HRK: variants seen among roughly 807,000 people sequenced by gnomAD.
The protein encoded by HRK is harakiri, BCL2 interacting protein.
Under a neutral mutation model 5.9 loss-of-function variants are expected in HRK, and 6 were observed. The ratio of observed to expected loss-of-function variants is 1.02; its 90% confidence interval spans 0.56 to 2.01. The LOEUF (loss-of-function observed/expected upper bound fraction) is 2.01, where lower values mean the gene tolerates loss of function less well. Ranked by LOEUF, HRK falls within the 30% of genes most tolerant of loss-of-function variation. HRK has a pLI of 0.00. For synonymous variants in HRK, 85 were observed against 65.1 expected (o/e 1.31, Z -1.47); for missense variants, 133 against 128.3 (o/e 1.04, Z -0.18).
intron 1 of HRK, among the ~76,000 whole-genome samples, chr12:116,861,957 G>A (rs1047519859): frequency 1.3e-5 from 2 of 152,142 alleles, no homozygotes; most frequent in Admixed American, 1.3e-4. Context: ...CCATACTAGG[G>A]GCTACAGGTT....
chr12:116,869,950 G>C (rs924253774), intron 1 of HRK, among the ~76,000 whole-genome samples: 3 of 152,060 alleles, frequency 2.0e-5, no homozygotes, highest in African/African-American at 2.4e-5. Context: ...CGTGGTGGTG[G>C]GCACCTGTAA....
At chr12:116,872,784 AAG>A (rs1013444916) in intron 1 of HRK, among the ~76,000 whole-genome samples, 20 of 150,834 alleles carry the variant, frequency 1.3e-4, no homozygotes, top group Admixed American at 1.3e-3. Context: ...CAAAAAAACA[AAG>A]AGAGAGAGAG....
chr12:116,874,930 C>T (rs1403672687), intron 1 of HRK, among the ~76,000 whole-genome samples: 2 of 152,186 alleles, frequency 1.3e-5, no homozygotes, highest in East Asian at 1.9e-4. Flanking sequence ...CCCACTATGC[C>T]CTGACCAAAT....
rs1042026039 is a variant in HRK, at chr12:116,880,668, A to G, written c.*56+308T>C. 2.6e-5 allele frequency among the ~76,000 whole-genome samples: 4 copies of G among 151,980 alleles called. No homozygotes were observed. The South Asian group carries it at 8.3e-4, about 32-fold the overall frequency. On this transcript the variant is annotated intron_variant, in intron 1 of 1. Transcript: ENST00000257572. The stretch of plus-strand genomic sequence containing the variant: ...CACTTTTTACTTGCATTGTGTGTTT[A>G]TTTGTGGGGCTGGTGGGGATTATGG...
At chr12:116,876,262 C>G (rs1878923768) in intron 1 of HRK, among the ~76,000 whole-genome samples, 2 of 152,188 alleles carry the variant, frequency 1.3e-5, no homozygotes, top group South Asian at 4.1e-4. Context: ...GGTTCCTCCC[C>G]AACAGCTGTC....
At position 116,866,026 on chromosome 12, in the gene HRK, C is replaced by T. The variant is rs543977228; in HGVS notation, c.*57-4560G>A. Among the ~76,000 whole-genome samples, 15 of 151,500 alleles carry T rather than the reference C, an allele frequency of 9.9e-5. 1 individual carries two copies. In the South Asian group the frequency reaches 1.0e-3, roughly 11 times the overall value. On this transcript the variant is annotated intron_variant, in intron 1 of 1. Coordinates refer to ENST00000257572, the MANE Select transcript of HRK (RefSeq NM_003806.4). ...TACAAAAATTAGCCAGGTGCGGTGG[C>T]GCACACCTGTAATCCCAGCTAGTCA...
rs867988006 is a variant in HRK at position 116,861,203 on chromosome 12, C to T, written c.*320G>A. On this transcript the variant is annotated 3_prime_UTR_variant, in exon 2 of 2. Coordinates refer to ENST00000257572, the MANE Select transcript of HRK (RefSeq NM_003806.4). Reference sequence around the variant, plus strand: ...AAAAGGAAGGCAACCACGTCCTCAACAAGGCATGCACTGATACGTAATATT... The same window carrying T: ...AAAAGGAAGGCAACCACGTCCTCAATAAGGCATGCACTGATACGTAATATT... 2.0e-5 allele frequency: 3 copies of T among 152,214 alleles called. No homozygotes were observed. Among genetic ancestry groups the T allele is most frequent in the Admixed American group, 6.5e-5 (1 of 15,270 alleles). 9.4% of individuals were successfully genotyped at this position (152,214 alleles called of 1,614,324 possible).
In HRK at chr12:116,858,116, C is replaced by CAAA. The variant is rs1878215964; in HGVS notation, c.*3406_*3407insTTT. On this transcript the variant is annotated 3_prime_UTR_variant, in exon 2 of 2. Transcript: ENST00000257572. ...GTCCCCAGTATCCAAATGAAGGCGGCTAAAAAAAAAAAAAAAAAACGAACA... is the reference window on the plus strand; with the variant it reads ...GTCCCCAGTATCCAAATGAAGGCGGCAAATAAAAAAAAAAAAAAAAAACGAACA... 1.4e-4 allele frequency: 1 copy of CAAA among 7,218 alleles called. No homozygotes were observed. 0.4% of individuals were successfully genotyped at this position (7,218 alleles called of 1,614,324 possible).
At chr12:116,877,579 C>G (rs1878983500) in intron 1 of HRK, among the ~76,000 whole-genome samples, 1 of 152,094 alleles carries the variant, frequency 6.6e-6, no homozygotes, top group African/African-American at 2.4e-5. Flanking sequence ...GAATGGCCAG[C>G]AATAATAATG....
chr12:116,881,302 G>C lies in HRK; in HGVS notation c.6C>G (p.Cys2Trp). 9.4e-7 allele frequency: 1 copy of C among 1,067,718 alleles called. No homozygotes were observed. The highest frequency in any genetic ancestry group is 1.1e-6 in the Non-Finnish European group (1 of 884,856). The allele number at this position is 1,067,718 out of a possible 1,614,324, so 66.1% of individuals were successfully genotyped here. ...CGCGGCCGCGGTGCAGGGGGCACGG[G>C]CACATGACCGCTGGCCTCGCTCCCG... is the stretch of plus-strand genomic sequence containing the variant. M[C>W]PCPLHRGRGP... Residue 2 changes from cysteine (C) to tryptophan (W), a missense_variant, in exon 1 of 2, where the codon TGC (cysteine) becomes TGG (tryptophan). Coordinates refer to ENST00000257572, the MANE Select transcript of HRK (RefSeq NM_003806.4).
intron 1 of HRK, among the ~76,000 whole-genome samples, chr12:116,865,001 C>T (rs1252885497): frequency 1.3e-5 from 2 of 152,074 alleles, no homozygotes; most frequent in Non-Finnish European, 2.9e-5. Context: ...GAAAAAATGT[C>T]CCTGTTTCCA....
In HRK at chr12:116,881,041, C is replaced by A; in HGVS notation, c.267G>T (p.Arg89=). 2.2e-6 allele frequency: 3 copies of A among 1,353,722 alleles called. No homozygotes were observed. The highest frequency in any genetic ancestry group is 1.8e-5 in the South Asian group (1 of 54,652). The allele number at this position is 1,353,722 out of a possible 1,614,324, so 83.9% of individuals were successfully genotyped here. A position where few individuals can be genotyped will look rare whatever the true frequency, so the allele number is the denominator to read the frequency against. Residue 89 remains arginine, a synonymous_variant, in exon 1 of 2, where the codon CGG becomes CGT. Transcript: ENST00000257572. ...AALAAWLLGR[R]NL Reference sequence around the variant, plus strand: ...AAGAAGCCCCGCGTTCCTACAAGTTCCGCCTGCCGAGCAGCCAGGCCGCCA... The same window carrying A: ...AAGAAGCCCCGCGTTCCTACAAGTTACGCCTGCCGAGCAGCCAGGCCGCCA...
At position 116,880,978 on chromosome 12, in the gene HRK, G is replaced by A; in HGVS notation, c.*54C>T. The A allele has an allele frequency of 1.6e-6, 2 of 1,244,256 alleles. No homozygotes were observed. Among genetic ancestry groups the A allele is most frequent in the African/African-American group, 1.6e-5 (1 of 63,434 alleles). The allele number at this position is 1,244,256 out of a possible 1,614,324, so 77.1% of individuals were successfully genotyped here. A position where few individuals can be genotyped will look rare whatever the true frequency, so the allele number is the denominator to read the frequency against. ...CTCTCGCTCGCTCGCTCGCGTACCT[G>A]TTGCTCGCTCCGGCTGGGTCTCGGC... On this transcript the variant is annotated splice_region_variant and 3_prime_UTR_variant, in exon 1 of 2. Transcript: ENST00000257572.
chr12:116,871,833 T>C (rs1235309032), intron 1 of HRK, among the ~76,000 whole-genome samples: 1 of 151,840 alleles, frequency 6.6e-6, no homozygotes, highest in Non-Finnish European at 1.5e-5. Flanking sequence ...TGGGTCTCAC[T>C]TTGTTGCCCT....
chr12:116,864,405 TG>T (rs1167403206), intron 1 of HRK, among the ~76,000 whole-genome samples: 1 of 152,156 alleles, frequency 6.6e-6, no homozygotes, highest in Non-Finnish European at 1.5e-5. Flanking sequence ...GGATATGCCA[TG>T]CCAGAGACCA....
chr12:116,863,122 C>G (rs561040233), intron 1 of HRK, among the ~76,000 whole-genome samples: 1 of 152,224 alleles, frequency 6.6e-6, no homozygotes, highest in South Asian at 2.1e-4. Context: ...GGCATATGAA[C>G]GAGCATGTGG....
intron 1 of HRK, among the ~76,000 whole-genome samples, chr12:116,873,947 AG>A (rs1878846840): frequency 1.3e-5 from 2 of 152,174 alleles, no homozygotes; most frequent in South Asian, 4.1e-4. Context: ...AGGAAAGGAG[AG>A]GGGAGCCAGT....
chr12:116,874,138 G>A (rs1381568091), intron 1 of HRK, among the ~76,000 whole-genome samples: 3 of 152,122 alleles, frequency 2.0e-5, no homozygotes, highest in African/African-American at 7.2e-5. Flanking sequence ...GGCAAAGCCT[G>A]GGTCTCCTGT....
intron 1 of HRK, among the ~76,000 whole-genome samples, chr12:116,871,690 G>C (rs1878759462): frequency 6.7e-6 from 1 of 148,828 alleles, no homozygotes; most frequent in African/African-American, 2.5e-5. Context: ...ACAGTGGCGT[G>C]ATCACAGCTC....
Sources: gnomAD v4.1 joint callset for allele counts (sites outside exome capture counted in the v4.1 genomes callset) on GRCh38, gnomAD v4.1.1 for gene constraint, MANE v1.5 for transcripts, NCBI Gene and HGNC (gene_info 2026-07-23, HGNC 2026-07-21) for gene names.